BTBD8: variants seen among roughly 807,000 people sequenced by gnomAD.
BTBD8 encodes the protein BTB/POZ domain-containing protein 8.
A neutral mutation model predicts 162.9 loss-of-function variants in BTBD8; 110 were observed. The observed-to-expected ratio is 0.68, with a 90% confidence interval of 0.58 to 0.79. The LOEUF (loss-of-function observed/expected upper bound fraction) is 0.79, where lower values mean the gene tolerates loss of function less well. Among genes scored for constraint, BTBD8 ranks in the 30% least tolerant of loss-of-function variants. The pLI, the probability that BTBD8 is intolerant of heterozygous loss-of-function variation, is 0.00. For synonymous variants in BTBD8, 667 were observed against 716.1 expected (o/e 0.93, Z 1.10); for missense variants, 1,905 against 2,085.4 (o/e 0.91, Z 1.68).
At chr1:92,177,684 CAG>C in intron 14 of BTBD8, 125 bp from the exon 15 acceptor site, 1 of 830,026 alleles carries the variant, frequency 1.2e-6, no homozygotes, top group East Asian at 2.7e-5. Flanking sequence ...CTTATGCAAA[CAG>C]AGAAAATGGT....
chr1:92,139,130 A>G (rs1043031276), intron 5 of BTBD8, among the ~76,000 whole-genome samples: 1 of 152,220 alleles, frequency 6.6e-6, no homozygotes, highest in Non-Finnish European at 1.5e-5. Context: ...TAATGATTTG[A>G]TAACATACTA....
chr1:92,138,778 T>TAAG (rs1649696835), intron 5 of BTBD8, among the ~76,000 whole-genome samples: 1 of 151,986 alleles, frequency 6.6e-6, no homozygotes, highest in African/African-American at 2.4e-5. Context: ...GTGTGGGGAG[T>TAAG]AAGAAGAAGG....
chr1:92,180,169 A>AT, intron 16 of BTBD8, 96 bp from the exon 17 acceptor site: 1 of 878,112 alleles, frequency 1.1e-6, no homozygotes, highest in Non-Finnish European at 1.7e-6. Flanking sequence ...TCTTGATTTT[A>AT]TTTTTTCTGA....
chr1:92,136,361 T>C (rs960920670), intron 5 of BTBD8, among the ~76,000 whole-genome samples: 1 of 152,152 alleles, frequency 6.6e-6, no homozygotes, highest in Non-Finnish European at 1.5e-5. Flanking sequence ...TTTTTTCTTT[T>C]TATGAACCTG....
intron 2 of BTBD8, among the ~76,000 whole-genome samples, chr1:92,097,657 C>T (rs902517743): frequency 1.3e-5 from 2 of 152,154 alleles, no homozygotes; most frequent in South Asian, 4.1e-4. Context: ...TTACGTGTGG[C>T]TTTCCAAACT....
rs998467987 is a variant in BTBD8 at position 92,144,260 on chromosome 1, C to A, written c.931-2920C>A. On this transcript the variant is annotated intron_variant, in intron 7 of 17. Transcript: ENST00000636805. ...AAGTGCTGAGATTACAGGAGTGAGC[C>A]ACTGTGCCCAGCCTTAGTTCTTAAT... Among the ~76,000 whole-genome samples the A allele has an allele frequency of 3.3e-5, 5 of 152,006 alleles. No homozygotes were observed. In the South Asian group the frequency reaches 1.0e-3, roughly 32 times the overall value.
At chr1:92,183,749 T>G in intron 17 of BTBD8, 115 bp from the exon 18 acceptor site, 4 of 542,062 alleles carry the variant, frequency 7.4e-6, no homozygotes, top group Non-Finnish European at 5.7e-6. Flanking sequence ...ATTTTTCCCA[T>G]TCTGTGTTTT....
intron 2 of BTBD8, among the ~76,000 whole-genome samples, chr1:92,091,650 C>G (rs1421923277): frequency 6.6e-6 from 1 of 152,162 alleles, no homozygotes; most frequent in Non-Finnish European, 1.5e-5. Flanking sequence ...CCTGCCTCAG[C>G]CTCCTAGGCT....
chr1:92,103,482 C>G (rs758129051), intron 3 of BTBD8, among the ~76,000 whole-genome samples: 7 of 152,160 alleles, frequency 4.6e-5, no homozygotes, highest in Non-Finnish European at 1.0e-4. Context: ...GAGAACAGAA[C>G]ATTTATCATT....
At chr1:92,174,780 A>C (rs776698638) in intron 13 of BTBD8, among the ~76,000 whole-genome samples, 1 of 152,142 alleles carries the variant, frequency 6.6e-6, no homozygotes, top group African/African-American at 2.4e-5. Context: ...AGCTGTTAAT[A>C]ATTTCTGAAA....
At chr1:92,125,534 A>G in intron 4 of BTBD8, 1 of 312,898 alleles carries the variant, frequency 3.2e-6, no homozygotes, top group East Asian at 8.2e-5. Context: ...TACAGAATTC[A>G]GGAGAATGAA....
At position 92,182,488 on chromosome 1, in the gene BTBD8, C is replaced by T. The variant is rs754549308; in HGVS notation, c.4805C>T (p.Ser1602Phe). Reference sequence around the variant, plus strand: ...AATTCTGACATACCAAAGAACAGCTCTACAAAATCTCTAGACTCCTTTCGG... The same window carrying T: ...AATTCTGACATACCAAAGAACAGCTTTACAAAATCTCTAGACTCCTTTCGG... ...EPNSDIPKNS[S>F]TKSLDSFRSQ... The change falls in exon 17 of 18, where the codon TCT becomes TTT. Residue 1602 changes from serine to phenylalanine, a missense_variant. Around this residue, in one of 3 missense-constraint regions of BTBD8, gnomAD observed 517 missense variants for 606.6 expected, o/e 0.85. Coordinates refer to ENST00000636805, the MANE Select transcript of BTBD8 (RefSeq NM_001376131.1). 14 of 1,551,198 alleles carry T rather than the reference C, an allele frequency of 9.0e-6. No homozygotes were observed. The highest frequency in any genetic ancestry group is 5.5e-5 in the African/African-American group (4 of 73,012).
chr1:92,143,971 T>A (rs1314441837), intron 7 of BTBD8, among the ~76,000 whole-genome samples: 1 of 134,578 alleles, frequency 7.4e-6, no homozygotes, highest in Non-Finnish European at 1.6e-5. Context: ...TTTTAGTTCT[T>A]TTTTTTTTTT....
At chr1:92,134,909 T>TA (rs397733595) in intron 5 of BTBD8, among the ~76,000 whole-genome samples, 3 of 150,890 alleles carry the variant, frequency 2.0e-5, no homozygotes, top group Non-Finnish European at 3.0e-5. Flanking sequence ...TTTTTTTTTT[T>TA]AGACAGAATT....
intron 5 of BTBD8, among the ~76,000 whole-genome samples, chr1:92,131,620 A>C (rs1157748378): frequency 1.3e-5 from 2 of 151,176 alleles, no homozygotes; most frequent in African/African-American, 4.9e-5. Context: ...GCTACTCAGG[A>C]GGCTGAGGCA....
At chr1:92,103,336 A>G (rs1388078926) in intron 3 of BTBD8, among the ~76,000 whole-genome samples, 1 of 152,248 alleles carries the variant, frequency 6.6e-6, no homozygotes, top group Non-Finnish European at 1.5e-5. Context: ...TACAGTCAAC[A>G]TATCTAATTA....
intron 4 of BTBD8, among the ~76,000 whole-genome samples, chr1:92,123,317 CT>C (rs1436320614): frequency 6.6e-6 from 1 of 152,122 alleles, no homozygotes; most frequent in East Asian, 1.9e-4. Flanking sequence ...TTGATGGTTG[CT>C]TTGGCAATTA....
intron 7 of BTBD8, among the ~76,000 whole-genome samples, chr1:92,146,067 CTTTAA>C (rs1649911206): frequency 6.6e-6 from 1 of 151,992 alleles, no homozygotes. Flanking sequence ...TGCACAATTA[CTTTAA>C]TTTATATTTA....
At chr1:92,174,181 T>C (rs1267022997) in intron 13 of BTBD8, among the ~76,000 whole-genome samples, 3 of 152,146 alleles carry the variant, frequency 2.0e-5, no homozygotes, top group Non-Finnish European at 4.4e-5. Context: ...TGTCCTCTTA[T>C]GATTATGTTT....
Sources: gnomAD v4.1 joint callset for allele counts (sites outside exome capture counted in the v4.1 genomes callset) on GRCh38, gnomAD v4.1.1 for gene constraint, gnomAD v4.1.1 regional missense constraint, MANE v1.5 for transcripts, NCBI Gene and HGNC (gene_info 2026-07-23, HGNC 2026-07-21) for gene names.